MCF2L2: variants seen among roughly 807,000 people sequenced by gnomAD.
MCF2L2 encodes probable guanine nucleotide exchange factor MCF2L2.
A neutral mutation model predicts 150.2 loss-of-function variants in MCF2L2; 102 were observed. The observed-to-expected ratio is 0.68, with a 90% CI of 0.58 to 0.80. MCF2L2 has a LOEUF of 0.80. Among genes scored for constraint, MCF2L2 ranks in the 30% least tolerant of loss-of-function variants. MCF2L2 has a pLI of 0.00. For synonymous variants in MCF2L2, 465 were observed against 491.3 expected (o/e 0.95, Z 0.71); for missense variants, 1,256 against 1,372.8 (o/e 0.91, Z 1.34).
At chr3:183,380,272 G>A (rs931125738) in intron 2 of MCF2L2, among the ~76,000 whole-genome samples, 1 of 152,110 alleles carries the variant, frequency 6.6e-6, no homozygotes, top group Non-Finnish European at 1.5e-5. Context: ...AGGTAAGCAG[G>A]GAACCACAGT....
chr3:183,273,840 T>G (rs78138289), intron 15 of MCF2L2, among the ~76,000 whole-genome samples: 3,916 of 152,300 alleles, frequency 0.026, 174 homozygotes, highest in African/African-American at 0.087. Context: ...CTACCATATA[T>G]CTAGGTGTCT....
At chr3:183,243,633 T>G (rs971498959) in intron 15 of MCF2L2, among the ~76,000 whole-genome samples, 2 of 152,202 alleles carry the variant, frequency 1.3e-5, no homozygotes, top group Non-Finnish European at 2.9e-5. Flanking sequence ...CTTCGTTATA[T>G]TCCTTGGTCC....
chr3:183,226,741 A>G lies in MCF2L2; in HGVS notation c.2115+1556T>C, dbSNP rs549479539. 293 of 152,372 alleles carry G rather than the reference A, an allele frequency of 1.9e-3. 1 individual carries two copies. Among genetic ancestry groups the G allele is most frequent in the African/African-American group, 6.8e-3 (281 of 41,598 alleles). 9.4% of individuals were successfully genotyped at this position (152,372 alleles called of 1,614,324 possible). On this transcript the variant is annotated intron_variant, in intron 18 of 29. Transcript: ENST00000328913. ...AATAATCTTTGCAGTAATGACATAC[A>G]TAACCATAAAATACTTCTAATCTCT...
At position 183,207,689 on chromosome 3, in the gene MCF2L2, C is replaced by T. The variant is rs987241055; in HGVS notation, c.2631G>A (p.Arg877=). 54 of 1,614,092 alleles carry T rather than the reference C, an allele frequency of 3.3e-5. No individual in the cohort carries two copies. The highest frequency in any genetic ancestry group is 4.1e-5 in the Non-Finnish European group (48 of 1,180,026). ...TTCGTATCTTACAGAACACTATTCC[C>T]CTTTCAAATAGGTAGATTTGCCTCT... ...PSQRQIYLFE[R]GIVFCKIRME... The change falls in exon 23 of 30, where the codon AGG becomes AGA. Residue 877 remains arginine (R), a synonymous_variant. Transcript: ENST00000328913.
chr3:183,307,600 A>G (rs567625320), intron 10 of MCF2L2, among the ~76,000 whole-genome samples: 40 of 152,322 alleles, frequency 2.6e-4, no homozygotes, highest in African/African-American at 9.1e-4. Flanking sequence ...TGTGTTCCAT[A>G]ACCACAGGTT....
chr3:183,415,412 C>G (rs1327383476), intron 1 of MCF2L2, among the ~76,000 whole-genome samples: 1 of 152,184 alleles, frequency 6.6e-6, no homozygotes, highest in Non-Finnish European at 1.5e-5. Flanking sequence ...GTCTCAAACT[C>G]CTGACCTCAA....
chr3:183,289,258 T>C (rs765681808), intron 13 of MCF2L2, 38 bp from the exon 14 acceptor site: 1 of 1,376,678 alleles, frequency 7.3e-7, no homozygotes, highest in Non-Finnish European at 1.0e-6. Flanking sequence ...ATTTAACTTA[T>C]AAACTATAAC....
chr3:183,258,165 A>G (rs1033851631), intron 15 of MCF2L2: 1 of 151,934 alleles, frequency 6.6e-6, no homozygotes, highest in East Asian at 1.9e-4. Context: ...ATGGGGTTTC[A>G]CCATGTTAGC....
At chr3:183,426,377 G>C (rs1716167181) in intron 1 of MCF2L2, among the ~76,000 whole-genome samples, 2 of 152,194 alleles carry the variant, frequency 1.3e-5, no homozygotes, top group Admixed American at 1.3e-4. Flanking sequence ...ACCCACCAAA[G>C]ATCTTTAGTG....
rs141656353 is a variant in MCF2L2, at chr3:183,411,700, G to A, written c.76+16202C>T. On this transcript the variant is annotated intron_variant, in intron 1 of 29. Transcript: ENST00000328913. Reference sequence around the variant, plus strand: ...TAGCCATAGCTGAGAAGTACAGGAAGCCCTGATAAGAGGCCAGCTACCCAG... The same window carrying A: ...TAGCCATAGCTGAGAAGTACAGGAAACCCTGATAAGAGGCCAGCTACCCAG... Among the ~76,000 whole-genome samples, 3 of 151,566 alleles carry A rather than the reference G, an allele frequency of 2.0e-5. No individual in the cohort carries two copies. In the East Asian group the frequency reaches 5.8e-4, roughly 29 times the overall value.
At chr3:183,180,702 G>A (rs1341579913) in intron 27 of MCF2L2, among the ~76,000 whole-genome samples, 1 of 152,228 alleles carries the variant, frequency 6.6e-6, no homozygotes, top group African/African-American at 2.4e-5. Flanking sequence ...CTGGGGCGGT[G>A]TTGGACACTG....
intron 3 of MCF2L2, among the ~76,000 whole-genome samples, chr3:183,363,806 A>C (rs149835558): frequency 1.3e-3 from 194 of 151,848 alleles, no homozygotes; most frequent in African/African-American, 4.2e-3. Context: ...ACAATATATC[A>C]GTAAAGTTAT....
chr3:183,268,080 TC>T (rs1450488908), intron 15 of MCF2L2, among the ~76,000 whole-genome samples: 1 of 152,176 alleles, frequency 6.6e-6, no homozygotes, highest in Non-Finnish European at 1.5e-5. Flanking sequence ...AATTCAGGCT[TC>T]CCAGAGAAGG....
chr3:183,193,120 T>C (rs1380629021), intron 26 of MCF2L2, 24 bp from the exon 27 acceptor site: 3 of 1,591,152 alleles, frequency 1.9e-6, no homozygotes, highest in Middle Eastern at 1.7e-4. Flanking sequence ...AACATGAATA[T>C]TGAGTCACTG....
At chr3:183,419,375 T>C (rs1005360341) in intron 1 of MCF2L2, among the ~76,000 whole-genome samples, 1 of 152,226 alleles carries the variant, frequency 6.6e-6, no homozygotes, top group African/African-American at 2.4e-5. Context: ...GCTATTAACA[T>C]TCAGCTCCTT....
chr3:183,179,192 G>A lies in MCF2L2; in HGVS notation c.*188C>T, dbSNP rs1480409870. The A allele has an allele frequency of 4.1e-6, 3 of 727,348 alleles. No individual in the cohort carries two copies. The highest frequency in any genetic ancestry group is 5.9e-6 in the Non-Finnish European group (3 of 508,888). 45.1% of individuals were successfully genotyped at this position (727,348 alleles called of 1,614,324 possible). A position where few individuals can be genotyped will look rare whatever the true frequency, so the allele number is the denominator to read the frequency against. Reference sequence around the variant, plus strand: ...CCTTAGAGCAGCTCCGAGGTCCCCCGTGCGGAGCTAGGCGCGCACCCAGGA... The same window carrying A: ...CCTTAGAGCAGCTCCGAGGTCCCCCATGCGGAGCTAGGCGCGCACCCAGGA... On this transcript the variant is annotated 3_prime_UTR_variant, in exon 30 of 30. Transcript: ENST00000328913. The surrounding 1 kb of genome is among the most constrained non-coding windows in gnomAD (Gnocchi z 4.2).
At chr3:183,346,887 A>G (rs1483811506) in intron 3 of MCF2L2, among the ~76,000 whole-genome samples, 1 of 152,330 alleles carries the variant, frequency 6.6e-6, no homozygotes, top group South Asian at 2.1e-4. Context: ...ACTACAAATC[A>G]CTGCTCAAGG....
chr3:183,209,387 G>C (rs1342476164), intron 22 of MCF2L2, among the ~76,000 whole-genome samples: 1 of 152,216 alleles, frequency 6.6e-6, no homozygotes, highest in Non-Finnish European at 1.5e-5. Flanking sequence ...AACTTTCTGA[G>C]AACCAGTATG....
At chr3:183,392,414 G>T (rs1714207641) in intron 1 of MCF2L2, among the ~76,000 whole-genome samples, 1 of 152,110 alleles carries the variant, frequency 6.6e-6, no homozygotes, top group Admixed American at 6.5e-5. Context: ...CTAGTGTCAT[G>T]GGAATCTGAG....
Sources: gnomAD v4.1 joint callset for allele counts (sites outside exome capture counted in the v4.1 genomes callset) on GRCh38, gnomAD v4.1.1 for gene constraint, Gnocchi (gnomAD v3.1) non-coding constraint, MANE v1.5 for transcripts, NCBI Gene and HGNC (gene_info 2026-07-23, HGNC 2026-07-21) for gene names.